PDLIM5: variants seen among roughly 807,000 people sequenced by gnomAD.
PDLIM5 encodes the protein PDZ and LIM domain 5, also known as PDZ and LIM domain protein 5.
Under a neutral mutation model 64.2 loss-of-function variants are expected in PDLIM5, and 34 were observed. The ratio of observed to expected loss-of-function variants is 0.53; its 90% CI spans 0.40 to 0.71. The LOEUF is 0.71. Among genes scored for constraint, PDLIM5 ranks in the 30% least tolerant of loss-of-function variants. The pLI, the probability that PDLIM5 is intolerant of heterozygous loss-of-function variation, is 0.00. For missense variants in PDLIM5, 683 were observed against 733.6 expected (o/e 0.93, Z 0.80); for synonymous variants, 253 against 269.1 (o/e 0.94, Z 0.59).
chr4:94,635,184 T>G (rs1740457782), intron 8 of PDLIM5, among the ~76,000 whole-genome samples: 1 of 152,180 alleles, frequency 6.6e-6, no homozygotes, highest in South Asian at 2.1e-4. Flanking sequence ...TTTCTAGTTT[T>G]CTGGTGGTGA....
At chr4:94,616,905 G>T (rs962030406) in intron 7 of PDLIM5, among the ~76,000 whole-genome samples, 1 of 152,176 alleles carries the variant, frequency 6.6e-6, no homozygotes, top group African/African-American at 2.4e-5. Flanking sequence ...TTAGTATATA[G>T]TTGCACTCCT....
rs868020746 is a variant in PDLIM5 at position 94,455,950 on chromosome 4, T to C, written c.96+566T>C. Reference sequence around the variant, plus strand: ...ATTGAGATTTGGCTTTTTACCTCATTATGGATTTAGTTTGAATGTATTCTG... The same window carrying C: ...ATTGAGATTTGGCTTTTTACCTCATCATGGATTTAGTTTGAATGTATTCTG... On this transcript the variant is annotated intron_variant, in intron 2 of 12. Transcript: ENST00000317968. 3.3e-6 allele frequency: 5 copies of C among 1,500,714 alleles called. 1 individual carries two copies. The Middle Eastern group carries it at 6.8e-4, about 205-fold the overall frequency. The allele number at this position is 1,500,714 out of a possible 1,614,324, so 93.0% of individuals were successfully genotyped here. A position where few individuals can be genotyped will look rare whatever the true frequency, so the allele number is the denominator to read the frequency against.
chr4:94,622,630 C>T (rs890582913), intron 8 of PDLIM5, among the ~76,000 whole-genome samples: 1 of 151,410 alleles, frequency 6.6e-6, no homozygotes, highest in African/African-American at 2.4e-5. Context: ...CCCTCTCTCC[C>T]TCCCTCCTTC....
intron 8 of PDLIM5, among the ~76,000 whole-genome samples, chr4:94,623,514 C>T (rs1739419656): frequency 6.6e-6 from 1 of 152,134 alleles, no homozygotes; most frequent in Non-Finnish European, 1.5e-5. Flanking sequence ...TCAATAATGT[C>T]TTTGTTATAG....
intron 8 of PDLIM5, among the ~76,000 whole-genome samples, chr4:94,622,600 A>C (rs1220064591): frequency 6.6e-6 from 1 of 152,034 alleles, no homozygotes; most frequent in Non-Finnish European, 1.5e-5. Context: ...TCAGAAGGTT[A>C]GCATTTTTGT....
chr4:94,616,291 A>G (rs1371345778), intron 7 of PDLIM5, among the ~76,000 whole-genome samples: 1 of 152,220 alleles, frequency 6.6e-6, no homozygotes, highest in Non-Finnish European at 1.5e-5. Context: ...AATGTTGAAA[A>G]TAAGGCTTAC....
intron 2 of PDLIM5, among the ~76,000 whole-genome samples, chr4:94,465,400 A>G (rs1015955957): frequency 6.6e-6 from 1 of 151,792 alleles, no homozygotes; most frequent in African/African-American, 2.4e-5. Context: ...ATTTTATTTT[A>G]TTTTAGTTTT....
chr4:94,549,616 A>T (rs1186232234), intron 3 of PDLIM5, among the ~76,000 whole-genome samples: 1 of 152,224 alleles, frequency 6.6e-6, no homozygotes, highest in African/African-American at 2.4e-5. Flanking sequence ...AAATAAAAAT[A>T]AGCTGAAGTT....
chr4:94,572,950 C>G (rs748411717), intron 3 of PDLIM5, among the ~76,000 whole-genome samples: 2 of 152,140 alleles, frequency 1.3e-5, no homozygotes, highest in African/African-American at 4.8e-5. Flanking sequence ...AAGACAGATA[C>G]TGTTGGAGAT....
At chr4:94,555,093 C>A (rs1733162119) in intron 3 of PDLIM5, among the ~76,000 whole-genome samples, 1 of 152,114 alleles carries the variant, frequency 6.6e-6, no homozygotes, top group Non-Finnish European at 1.5e-5. Context: ...CACTCTGTTG[C>A]CCCAGCTGGA....
Position 94,618,043 on chromosome 4 carries a change from A to G in PDLIM5, c.960A>G (p.Val320=), listed in dbSNP as rs377407022. ...QEPSPQLASS[V]ASTRSMPESL... ...CTTCTCCGCAGTTGGCTTCCTCGGT[A>G]GCTTCCACACGGAGCATGCCCGAGA... Residue 320 remains valine (V), a synonymous_variant, in exon 8 of 13, where the codon GTA becomes GTG. Transcript: ENST00000317968. 1.9e-6 allele frequency: 3 copies of G among 1,594,514 alleles called. No individual in the cohort carries two copies. The highest frequency in any genetic ancestry group is 2.7e-5 in the African/African-American group (2 of 73,724).
At chr4:94,532,138 A>T (rs1578321346) in intron 3 of PDLIM5, among the ~76,000 whole-genome samples, 1 of 152,254 alleles carries the variant, frequency 6.6e-6, no homozygotes, top group Admixed American at 6.5e-5. Flanking sequence ...AAATTCTGGA[A>T]TTTTTTAAAA....
intron 5 of PDLIM5, among the ~76,000 whole-genome samples, chr4:94,581,645 CG>C (rs1735740823): frequency 6.6e-6 from 1 of 152,072 alleles, no homozygotes; most frequent in Non-Finnish European, 1.5e-5. Flanking sequence ...CCAGTCTTAG[CG>C]TTAAAACTGG....
intron 2 of PDLIM5, among the ~76,000 whole-genome samples, chr4:94,464,828 G>A (rs1254552634): frequency 6.6e-6 from 1 of 152,190 alleles, no homozygotes; most frequent in Non-Finnish European, 1.5e-5. Context: ...TTCTCTGAGT[G>A]ATTCTTTGCT....
At chr4:94,561,033 GAT>G in intron 3 of PDLIM5, among the ~76,000 whole-genome samples, 1 of 152,216 alleles carries the variant, frequency 6.6e-6, no homozygotes, top group African/African-American at 2.4e-5. Flanking sequence ...AGCCAACTTA[GAT>G]GATTTTTAAA....
At chr4:94,500,257 A>G (rs1727794595) in intron 2 of PDLIM5, among the ~76,000 whole-genome samples, 1 of 152,166 alleles carries the variant, frequency 6.6e-6, no homozygotes, top group Non-Finnish European at 1.5e-5. Flanking sequence ...ATTTTTTCTG[A>G]TTAAGTTTCT....
intron 8 of PDLIM5, among the ~76,000 whole-genome samples, chr4:94,625,316 A>G (rs1269822387): frequency 6.6e-6 from 1 of 152,226 alleles, no homozygotes; most frequent in Non-Finnish European, 1.5e-5. Context: ...GGTGTTGACA[A>G]GAAATTAGTG....
intron 7 of PDLIM5, among the ~76,000 whole-genome samples, chr4:94,609,858 A>T (rs1169505713): frequency 6.6e-6 from 1 of 152,220 alleles, no homozygotes; most frequent in African/African-American, 2.4e-5. Flanking sequence ...TTGGCAAGTC[A>T]GTCTTCAAAT....
At chr4:94,596,388 C>T (rs1210105998) in intron 7 of PDLIM5, among the ~76,000 whole-genome samples, 8 of 152,096 alleles carry the variant, frequency 5.3e-5, no homozygotes, top group Admixed American at 3.9e-4. Context: ...TAGTCCTTCT[C>T]TTATAATGCT....
Sources: allele counts gnomAD v4.1 joint callset (sites outside exome capture counted in the v4.1 genomes callset), GRCh38; gene constraint gnomAD v4.1.1; transcripts MANE v1.5; gene names NCBI Gene and HGNC (gene_info 2026-07-23, HGNC 2026-07-21).